Variants in MTCL2 observed in about 807,000 individuals in gnomAD.
MTCL2 encodes the protein microtubule crosslinking factor 2.
the MTCL2 span, among the ~76,000 whole-genome samples, chr20:36,789,246 T>G: frequency 6.6e-6 from 1 of 152,176 alleles, no homozygotes. Context: ...CTTGATGTGG[T>G]GCTGGTTATA....
At chr20:36,842,499 C>T in the MTCL2 span, among the ~76,000 whole-genome samples, 3 of 152,158 alleles carry the variant, frequency 2.0e-5, no homozygotes, top group South Asian at 2.1e-4. Flanking sequence ...TGGCCAGGTG[C>T]GGTGGCTCAC....
chr20:36,795,464 GT>G, the MTCL2 span, among the ~76,000 whole-genome samples: 3 of 150,844 alleles, frequency 2.0e-5, no homozygotes, highest in Admixed American at 1.3e-4. Flanking sequence ...CTATCTGATG[GT>G]TTTTTTTTCT....
chr20:36,806,070 G>A, the MTCL2 span: 2 of 736,492 alleles, frequency 2.7e-6, no homozygotes, highest in South Asian at 3.8e-5. Context: ...GGCCCTCCTA[G>A]CCTCCCACGA....
At chr20:36,808,755 C>G in the MTCL2 span, 76 of 1,566,294 alleles carry the variant, frequency 4.9e-5, no homozygotes, top group Non-Finnish European at 6.2e-5. Context: ...TGCCGGGGGA[C>G]AAGAGCTTGA....
the MTCL2 span, among the ~76,000 whole-genome samples, chr20:36,850,959 G>A: frequency 6.6e-6 from 1 of 152,158 alleles, no homozygotes; most frequent in Admixed American, 6.5e-5. Flanking sequence ...GCCAGACTGA[G>A]TAGGCTACAC....
the MTCL2 span, among the ~76,000 whole-genome samples, chr20:36,821,725 G>GA: frequency 6.6e-6 from 1 of 151,722 alleles, no homozygotes; most frequent in Non-Finnish European, 1.5e-5. Flanking sequence ...CTCCAAAAAA[G>GA]AAAAAAAGCA....
At chr20:36,845,472 C>T in the MTCL2 span, among the ~76,000 whole-genome samples, 1 of 152,282 alleles carries the variant, frequency 6.6e-6, no homozygotes, top group African/African-American at 2.4e-5. Flanking sequence ...GGGGCCTAGG[C>T]CTCTCAGGGG....
At chr20:36,810,201 C>T in the MTCL2 span, 40 of 1,443,134 alleles carry the variant, frequency 2.8e-5, no homozygotes, top group East Asian at 1.0e-4. Context: ...GGTAGGGGAA[C>T]GATGGGATGT....
At chr20:36,817,291 A>T in the MTCL2 span, 2 of 941,288 alleles carry the variant, frequency 2.1e-6, no homozygotes, top group Non-Finnish European at 3.1e-6. Flanking sequence ...AAAAGAAAAG[A>T]AAAAAAGGAA....
At chr20:36,830,364 G>A in the MTCL2 span, among the ~76,000 whole-genome samples, 3 of 152,152 alleles carry the variant, frequency 2.0e-5, no homozygotes, top group African/African-American at 7.2e-5. Context: ...CCAGGAATTC[G>A]AGATGTGCCT....
At chr20:36,852,857 G>A in the MTCL2 span, among the ~76,000 whole-genome samples, 2 of 152,068 alleles carry the variant, frequency 1.3e-5, no homozygotes, top group Non-Finnish European at 2.9e-5. Context: ...AGGAGTTCGA[G>A]ACCAGCCTGG....
At chr20:36,830,149 A>G in the MTCL2 span, among the ~76,000 whole-genome samples, 1 of 151,998 alleles carries the variant, frequency 6.6e-6, no homozygotes, top group Non-Finnish European at 1.5e-5. Flanking sequence ...GGCTCTTCAC[A>G]CTTCCAAAGC....
chr20:36,839,433 A>C, the MTCL2 span: 1 of 1,613,128 alleles, frequency 6.2e-7, no homozygotes, highest in South Asian at 1.1e-5. This position sits in a 1 kb window ranked among gnomAD's most constrained non-coding sequence, Gnocchi z 5.1. Flanking sequence ...GCAGCTCCTC[A>C]ATCTCGTCCT....
At chr20:36,792,089 C>T in the MTCL2 span, among the ~76,000 whole-genome samples, 2 of 152,204 alleles carry the variant, frequency 1.3e-5, no homozygotes, top group East Asian at 3.9e-4. Context: ...AGTGGTATGC[C>T]CGCTAATGTT....
At chr20:36,782,845 T>C in the MTCL2 span, 1 of 152,254 alleles carries the variant, frequency 6.6e-6, no homozygotes, top group African/African-American at 2.4e-5. Flanking sequence ...AGGGGAAACG[T>C]TTTCTATATA....
At chr20:36,780,478 G>C in the MTCL2 span, 3 of 152,144 alleles carry the variant, frequency 2.0e-5, no homozygotes, top group African/African-American at 7.2e-5. Flanking sequence ...AAAAAGGAAG[G>C]GGTTTAGACC....
At chr20:36,846,937 G>C in the MTCL2 span, among the ~76,000 whole-genome samples, 4 of 152,206 alleles carry the variant, frequency 2.6e-5, no homozygotes, top group African/African-American at 9.6e-5. Context: ...TTGAAACCCA[G>C]AGGCAGAGGT....
chr20:36,815,344 T>A, the MTCL2 span: 8 of 1,613,718 alleles, frequency 5.0e-6, no homozygotes, highest in Non-Finnish European at 6.8e-6. This position sits in a 1 kb window ranked among gnomAD's most constrained non-coding sequence, Gnocchi z 5.3. Context: ...CCCTCGCTGT[T>A]GTCGGGGGCC....
the MTCL2 span, chr20:36,793,762 G>C: frequency 4.6e-5 from 71 of 1,541,290 alleles, no homozygotes; most frequent in Non-Finnish European, 6.0e-5. The surrounding 1 kb of genome is among the most constrained non-coding windows in gnomAD (Gnocchi z 6.8). Flanking sequence ...GCTTTGGTGA[G>C]CCATACTTGG....
Sources: allele counts gnomAD v4.1 joint callset (sites outside exome capture counted in the v4.1 genomes callset), GRCh38; gene constraint gnomAD v4.1.1; non-coding constraint Gnocchi (gnomAD v3.1); transcripts MANE v1.5; gene names NCBI Gene and HGNC (gene_info 2026-07-23, HGNC 2026-07-21).